SYNPR: variants seen among roughly 807,000 people sequenced by gnomAD.
SYNPR encodes synaptoporin.
SYNPR carries 23 observed loss-of-function variants against 32.9 expected under a neutral mutation model. That is an observed-to-expected ratio of 0.70 (90% CI 0.50 to 0.99). The LOEUF is 0.99. Ranked by LOEUF, SYNPR falls within the 50% of genes least tolerant of loss-of-function variation. The pLI is 0.00. For synonymous variants in SYNPR, 146 were observed against 135.9 expected (o/e 1.07, Z -0.52); for missense variants, 318 against 349.3 (o/e 0.91, Z 0.71).
At chr3:63,444,896 A>G (rs114318266) in intron 2 of SYNPR, among the ~76,000 whole-genome samples, 7,965 of 151,956 alleles carry the variant, frequency 0.052, 308 homozygotes, top group South Asian at 0.1. Context: ...GCCTAGTGTC[A>G]GTCTTAGACG....
At chr3:63,361,312 G>C (rs573400663) in intron 2 of SYNPR, among the ~76,000 whole-genome samples, 2 of 152,252 alleles carry the variant, frequency 1.3e-5, no homozygotes, top group East Asian at 3.9e-4. Context: ...TATAGGCCAG[G>C]CTCGGTGGCT....
intron 1 of SYNPR, among the ~76,000 whole-genome samples, chr3:63,246,516 T>G (rs556014675): frequency 2.0e-5 from 3 of 152,124 alleles, no homozygotes; most frequent in East Asian, 3.9e-4. Context: ...TATATAGAAA[T>G]ATGAGACAGA....
intron 2 of SYNPR, among the ~76,000 whole-genome samples, chr3:63,383,482 C>G (rs954242633): frequency 1.3e-5 from 2 of 151,960 alleles, no homozygotes; most frequent in Non-Finnish European, 2.9e-5. Flanking sequence ...TTTGGGAGGC[C>G]AAGGTGGGCA....
intron 3 of SYNPR, among the ~76,000 whole-genome samples, chr3:63,543,826 T>C (rs1427065897): frequency 6.6e-6 from 1 of 152,110 alleles, no homozygotes; most frequent in African/African-American, 2.4e-5. Context: ...GACTAATTGC[T>C]TTTCACTCTC....
At chr3:63,376,825 C>T (rs1447755576) in intron 2 of SYNPR, among the ~76,000 whole-genome samples, 1 of 151,706 alleles carries the variant, frequency 6.6e-6, no homozygotes, top group Non-Finnish European at 1.5e-5. Context: ...GATATTTTTT[C>T]TTTATTTATT....
intron 3 of SYNPR, among the ~76,000 whole-genome samples, chr3:63,503,178 T>C (rs1388276735): frequency 6.6e-6 from 1 of 152,118 alleles, no homozygotes; most frequent in Non-Finnish European, 1.5e-5. Context: ...TTCTTTTAAT[T>C]TGTATTTTTT....
the SYNPR span, among the ~76,000 whole-genome samples, chr3:63,218,593 G>C: frequency 6.6e-6 from 1 of 152,148 alleles, no homozygotes; most frequent in Non-Finnish European, 1.5e-5. Flanking sequence ...TGAAATACCT[G>C]TAAACTCTTT....
At chr3:63,340,942 T>C (rs1173013733) in intron 2 of SYNPR, among the ~76,000 whole-genome samples, 3 of 152,060 alleles carry the variant, frequency 2.0e-5, no homozygotes, top group African/African-American at 7.2e-5. Flanking sequence ...GTTCTGTGGG[T>C]TTTGTCAAAT....
intron 4 of SYNPR, among the ~76,000 whole-genome samples, chr3:63,608,700 C>T (rs1165101402): frequency 1.3e-5 from 2 of 152,170 alleles, no homozygotes; most frequent in African/African-American, 4.8e-5. Context: ...TGGTTAAGAA[C>T]TTGGACTCAA....
intron 2 of SYNPR, among the ~76,000 whole-genome samples, chr3:63,437,523 G>T (rs1178224994): frequency 6.6e-6 from 1 of 151,098 alleles, no homozygotes; most frequent in Admixed American, 6.6e-5. Flanking sequence ...GGTAAACAAG[G>T]TTTAAGCAAA....
chr3:63,437,037 C>T (rs1196168435), intron 2 of SYNPR, among the ~76,000 whole-genome samples: 5 of 151,986 alleles, frequency 3.3e-5, no homozygotes, highest in Admixed American at 6.6e-5. Context: ...CCACCACGCC[C>T]GGCTAATTTT....
intron 2 of SYNPR, among the ~76,000 whole-genome samples, chr3:63,468,194 C>CAAAAA (rs552378431): frequency 9.9e-5 from 8 of 80,818 alleles, no homozygotes; most frequent in Non-Finnish European, 1.6e-4. Flanking sequence ...AACTCCATCT[C>CAAAAA]AAAAAAAAAA....
At chr3:63,513,002 A>G (rs928460672) in intron 3 of SYNPR, among the ~76,000 whole-genome samples, 3 of 152,090 alleles carry the variant, frequency 2.0e-5, no homozygotes, top group African/African-American at 7.2e-5. Context: ...ACAAATGTCT[A>G]GATCTGAATA....
chr3:63,321,389 A>G (rs1674746007), intron 2 of SYNPR, among the ~76,000 whole-genome samples: 1 of 152,040 alleles, frequency 6.6e-6, no homozygotes, highest in African/African-American at 2.4e-5. Context: ...TCTGTTGAGA[A>G]TTGTGAGGGT....
intron 2 of SYNPR, among the ~76,000 whole-genome samples, chr3:63,361,522 C>T (rs1002868849): frequency 2.0e-4 from 29 of 148,388 alleles, no homozygotes; most frequent in Middle Eastern, 3.5e-3. Context: ...GGTGTGAACC[C>T]GGGAGGCGGA....
intron 2 of SYNPR, among the ~76,000 whole-genome samples, chr3:63,313,946 TATATATATATATCC>T (rs1159553360): frequency 3.2e-4 from 2 of 6,158 alleles, no homozygotes; most frequent in Non-Finnish European, 6.9e-4. Flanking sequence ...TATATATCCA[TATATATATATATCC>T]ATATATATAT....
At chr3:63,596,154 T>C (rs959597215) in intron 4 of SYNPR, among the ~76,000 whole-genome samples, 17 of 151,050 alleles carry the variant, frequency 1.1e-4, no homozygotes, top group African/African-American at 3.6e-4. Context: ...GGGAGCTCTC[T>C]TCCTGCTCTC....
chr3:63,561,816 A>G (rs1257670680), intron 4 of SYNPR, among the ~76,000 whole-genome samples: 1 of 152,178 alleles, frequency 6.6e-6, no homozygotes, highest in Non-Finnish European at 1.5e-5. Flanking sequence ...TGCATTTCCA[A>G]GCAGTTGTGA....
intron 2 of SYNPR, among the ~76,000 whole-genome samples, chr3:63,394,783 T>C (rs958007977): frequency 4.6e-5 from 7 of 152,290 alleles, no homozygotes; most frequent in African/African-American, 1.7e-4. Flanking sequence ...AATATCAATA[T>C]GTTCAGAGAA....
Sources: gnomAD v4.1 joint callset for allele counts (sites outside exome capture counted in the v4.1 genomes callset) on GRCh38, gnomAD v4.1.1 for gene constraint, MANE v1.5 for transcripts, NCBI Gene and HGNC (gene_info 2026-07-23, HGNC 2026-07-21) for gene names.